Variants in KCNIP4 observed in about 807,000 individuals in gnomAD.
KCNIP4 encodes the protein Kv channel-interacting protein 4.
Under a neutral mutation model 34.0 loss-of-function variants are expected in KCNIP4, and 12 were observed. The ratio of observed to expected loss-of-function variants is 0.35; its 90% CI spans 0.23 to 0.57. KCNIP4 has a LOEUF of 0.57. KCNIP4 is among the 20% of genes least tolerant of loss of function. KCNIP4 has a pLI of 0.83. For missense variants in KCNIP4, 238 were observed against 311.7 expected (o/e 0.76, Z 1.78); for synonymous variants, 124 against 102.2 (o/e 1.21, Z -1.29).
chr4:20,753,711 A>G (rs970055541), intron 4 of KCNIP4, among the ~76,000 whole-genome samples: 4 of 152,222 alleles, frequency 2.6e-5, no homozygotes, highest in South Asian at 2.1e-4. Context: ...GCTTCTGTCA[A>G]TAAGCCCTCT....
intron 3 of KCNIP4, among the ~76,000 whole-genome samples, chr4:20,846,105 C>G (rs1187338475): frequency 1.3e-5 from 2 of 152,110 alleles, no homozygotes; most frequent in Non-Finnish European, 2.9e-5. Context: ...CATTTAATGT[C>G]AAAAGGACAT....
chr4:21,089,558 A>G (rs1259395055), intron 1 of KCNIP4, among the ~76,000 whole-genome samples: 1 of 152,228 alleles, frequency 6.6e-6, no homozygotes, highest in Admixed American at 6.5e-5. Context: ...AGAAAGAAAA[A>G]CAATGTTGAA....
chr4:20,734,080 C>G (rs188169024), intron 6 of KCNIP4, among the ~76,000 whole-genome samples: 6 of 152,260 alleles, frequency 3.9e-5, no homozygotes, highest in South Asian at 4.1e-4. Flanking sequence ...GCCTGTCCTG[C>G]GTGGTTAACT....
chr4:21,502,456 C>A (rs1222605787), intron 1 of KCNIP4, among the ~76,000 whole-genome samples: 2 of 152,078 alleles, frequency 1.3e-5, no homozygotes, highest in African/African-American at 4.8e-5. Flanking sequence ...CATTGCCAAT[C>A]ATTTTGCCCT....
rs192251704 is a variant in KCNIP4, at chr4:21,305,306, T to C, written c.62-422597A>G. Among the ~76,000 whole-genome samples the C allele has an allele frequency of 2.8e-4, 42 of 152,312 alleles. 1 individual carries two copies. In the East Asian group the frequency reaches 6.4e-3, roughly 23 times the overall value. On this transcript the variant is annotated intron_variant, in intron 1 of 8. Transcript: ENST00000382152. ...CCAGGGACAGACTGCTGGGATCTCTTACTAGCTGTGTGACCTTAGGTAAGT... is the reference window on the plus strand; with the variant it reads ...CCAGGGACAGACTGCTGGGATCTCTCACTAGCTGTGTGACCTTAGGTAAGT...
intron 3 of KCNIP4, among the ~76,000 whole-genome samples, chr4:20,787,845 T>A (rs1712206266): frequency 6.6e-6 from 1 of 152,156 alleles, no homozygotes; most frequent in Non-Finnish European, 1.5e-5. Flanking sequence ...ATTTTTCTTT[T>A]TAAAGCAACC....
chr4:21,618,083 T>C (rs1225715220), intron 1 of KCNIP4, among the ~76,000 whole-genome samples: 4 of 152,224 alleles, frequency 2.6e-5, no homozygotes, highest in Non-Finnish European at 4.4e-5. Flanking sequence ...ATGCTGAAGG[T>C]AGTAACATAC....
At position 21,408,404 on chromosome 4, in the gene KCNIP4, C is replaced by G. The variant is rs567961444; in HGVS notation, c.62-525695G>C. Among the ~76,000 whole-genome samples the G allele has an allele frequency of 9.1e-4, 138 of 152,082 alleles. 1 individual carries two copies. Among genetic ancestry groups the G allele is most frequent in the African/African-American group, 3.1e-3 (130 of 41,488 alleles). On this transcript the variant is annotated intron_variant, in intron 1 of 8. Transcript: ENST00000382152. The stretch of plus-strand genomic sequence containing the variant: ...AGCAACGTAAATTATAAAGATTCTG[C>G]AAGGAGGCACAGAGGAGAAAGAGAA...
At chr4:20,984,572 A>G (rs1736400209) in intron 1 of KCNIP4, among the ~76,000 whole-genome samples, 1 of 152,180 alleles carries the variant, frequency 6.6e-6, no homozygotes, top group African/African-American at 2.4e-5. Context: ...GTGCAGGAGC[A>G]AAGCTCCGTG....
chr4:20,731,512 G>A, intron 8 of KCNIP4: 2 of 985,346 alleles, frequency 2.0e-6, no homozygotes, highest in Non-Finnish European at 2.4e-6. Flanking sequence ...TTTTGTGACT[G>A]AAGACCATTA....
At chr4:20,866,618 C>G (rs1722908918) in intron 2 of KCNIP4, among the ~76,000 whole-genome samples, 1 of 152,050 alleles carries the variant, frequency 6.6e-6, no homozygotes, top group South Asian at 2.1e-4. Flanking sequence ...TGCTCACTCT[C>G]ACCACTCCTA....
At chr4:20,897,467 C>A (rs896606210) in intron 1 of KCNIP4, among the ~76,000 whole-genome samples, 35 of 152,208 alleles carry the variant, frequency 2.3e-4, no homozygotes, top group African/African-American at 8.2e-4. Flanking sequence ...AATTTTACCC[C>A]ATAGGTTGGC....
chr4:21,627,210 T>C (rs1745403084), intron 1 of KCNIP4, among the ~76,000 whole-genome samples: 1 of 152,174 alleles, frequency 6.6e-6, no homozygotes. Flanking sequence ...CATATGAATC[T>C]AGACCTTTTC....
chr4:21,259,921 GCACGTGCGCTTA>G (rs1761349791), intron 1 of KCNIP4, among the ~76,000 whole-genome samples: 1 of 148,556 alleles, frequency 6.7e-6, no homozygotes, highest in Non-Finnish European at 1.5e-5. Flanking sequence ...GTGTGTGTGT[GCACGTGCGCTTA>G]TGTGCATTGT....
At chr4:21,715,174 G>C (rs1016046505) in intron 1 of KCNIP4, among the ~76,000 whole-genome samples, 1 of 150,584 alleles carries the variant, frequency 6.6e-6, no homozygotes, top group East Asian at 2.0e-4. Context: ...TCCGCCTCCC[G>C]GGTTCACTCC....
At chr4:21,216,518 T>C (rs1042142257) in intron 1 of KCNIP4, among the ~76,000 whole-genome samples, 1 of 152,216 alleles carries the variant, frequency 6.6e-6, no homozygotes, top group Non-Finnish European at 1.5e-5. Flanking sequence ...GGCCAGATTA[T>C]TTAATTCTTG....
chr4:21,136,315 T>C (rs1303805138), intron 1 of KCNIP4, among the ~76,000 whole-genome samples: 2 of 152,266 alleles, frequency 1.3e-5, no homozygotes, highest in African/African-American at 4.8e-5. Context: ...AGGAAGCGAG[T>C]AATCTTTCTG....
chr4:20,873,120 T>C (rs1723661459), intron 2 of KCNIP4, among the ~76,000 whole-genome samples: 2 of 152,172 alleles, frequency 1.3e-5, no homozygotes, highest in African/African-American at 4.8e-5. Context: ...TCCTCTCCCT[T>C]CCACCACGAT....
chr4:20,913,489 C>T (rs978909301), intron 1 of KCNIP4, among the ~76,000 whole-genome samples: 2 of 152,104 alleles, frequency 1.3e-5, no homozygotes, highest in African/African-American at 4.8e-5. Context: ...TGTGAATATA[C>T]TAAAAACCAC....
Sources: allele counts gnomAD v4.1 joint callset (sites outside exome capture counted in the v4.1 genomes callset), GRCh38; gene constraint gnomAD v4.1.1; transcripts MANE v1.5; gene names NCBI Gene and HGNC (gene_info 2026-07-23, HGNC 2026-07-21).